Variants in CFAP65 observed in about 807,000 individuals in gnomAD.
The protein encoded by CFAP65 is cilia- and flagella-associated protein 65.
Under a neutral mutation model 208.0 loss-of-function variants are expected in CFAP65, and 155 were observed. The ratio of observed to expected loss-of-function variants is 0.75; its 90% CI spans 0.65 to 0.85. The LOEUF (loss-of-function observed/expected upper bound fraction) is 0.85, where lower values mean the gene tolerates loss of function less well. CFAP65 is among the 40% of genes least tolerant of loss of function. The probability of loss-of-function intolerance (pLI) is 0.00; values close to 1 mark genes in which losing one functional copy is unlikely to be tolerated. For missense variants in CFAP65, 2,294 were observed against 2,451.3 expected, an observed-to-expected ratio of 0.94 and a Z score of 1.36; for synonymous variants, 970 against 986.3, an observed-to-expected ratio of 0.98 and a Z score of 0.31.
At chr2:219,014,086 C>T (rs1473474722) in intron 21 of CFAP65, 42 bp from the exon 22 acceptor site, 2 of 1,545,206 alleles carry the variant, frequency 1.3e-6, no homozygotes, top group African/African-American at 2.7e-5. Flanking sequence ...ACTGGTCAGG[C>T]AGAACAGAGA....
chr2:219,029,363 G>T (rs753367127), intron 11 of CFAP65, 40 bp downstream of exon 11: 16 of 1,588,990 alleles, frequency 1.0e-5, no homozygotes, highest in Non-Finnish European at 1.4e-5. Context: ...CCCCAGGGGA[G>T]CCCCTCCTCC....
intron 24 of CFAP65, among the ~76,000 whole-genome samples, chr2:219,011,957 C>T (rs1011572914): frequency 9.9e-5 from 15 of 152,160 alleles, no homozygotes; most frequent in Admixed American, 7.2e-4. Flanking sequence ...GCCACAAGGG[C>T]GGAGCCCTCA....
At chr2:219,028,767 C>A (rs181496810) in intron 11 of CFAP65, among the ~76,000 whole-genome samples, 70 of 152,286 alleles carry the variant, frequency 4.6e-4, no homozygotes, top group Admixed American at 1.6e-3. Flanking sequence ...ATCAGGCCTC[C>A]CTCTGGGCTT....
rs553546464 is a variant in CFAP65 at position 219,021,566 on chromosome 2, G to A, written c.3130+214C>T. Among the ~76,000 whole-genome samples, 4 of 152,264 alleles carry A rather than the reference G, an allele frequency of 2.6e-5. No individual in the cohort carries two copies. The East Asian group carries it at 5.8e-4, about 22-fold the overall frequency. On this transcript the variant is annotated intron_variant, in intron 18 of 34. Coordinates refer to ENST00000341552, the MANE Select transcript of CFAP65 (RefSeq NM_194302.4). ...AGCTGAGGCTCAGAGGTGGGGTCTC[G>A]CTATGTTGCCCAGGCTAGAGGGCAG...
chr2:219,022,448 T>C (rs1475574092), intron 16 of CFAP65, 119 bp from the exon 17 acceptor site: 13 of 1,154,198 alleles, frequency 1.1e-5, no homozygotes, highest in Non-Finnish European at 1.5e-5. Context: ...GAATCTACCC[T>C]ATGCCAGGCA....
intron 4 of CFAP65, among the ~76,000 whole-genome samples, chr2:219,035,962 C>T: frequency 6.6e-6 from 1 of 152,208 alleles, no homozygotes; most frequent in East Asian, 1.9e-4. Context: ...TCTGTGCAAA[C>T]ACACAAATGC....
At chr2:219,027,382 C>T (rs1055100097) in intron 13 of CFAP65, 2 of 1,467,596 alleles carry the variant, frequency 1.4e-6, no homozygotes, top group Non-Finnish European at 1.8e-6. Context: ...CCCTGTGCAC[C>T]CAGTTTTCCC....
At chr2:219,030,949 T>C in intron 8 of CFAP65, 115 bp from the exon 9 acceptor site, 2 of 1,461,822 alleles carry the variant, frequency 1.4e-6, no homozygotes, top group East Asian at 2.4e-5. Context: ...TGTAACATCA[T>C]GGAAGACAAA....
chr2:219,022,453 C>CGTGTACAATGCCTGGCAT, intron 16 of CFAP65, 124 bp from the exon 17 acceptor site: 1 of 1,104,464 alleles, frequency 9.1e-7, no homozygotes, highest in Non-Finnish European at 1.3e-6. Context: ...TACCCTATGC[C>CGTGTACAATGCCTGGCAT]AGGCATTGTA....
At position 219,022,174 on chromosome 2, in the gene CFAP65, G is replaced by A. The variant is rs1177129845; in HGVS notation, c.2976C>T (p.Leu992=). The change falls in exon 17 of 35, where the codon CTC becomes CTT. Residue 992 remains leucine (L), a synonymous_variant. Transcript: ENST00000341552. ...CTGCCAGAGCCCTCCCACTCACAGA[G>A]AGGCTGCTGGTGAGCCCAACGCCCA... ...RLVGVGLTSS[L]SAKEKELAFG... 1 of 1,590,816 alleles carries A rather than the reference G, an allele frequency of 6.3e-7. No homozygotes were observed.
intron 24 of CFAP65, 132 bp from the exon 25 acceptor site, chr2:219,011,128 G>A (rs989532538): frequency 1.4e-5 from 10 of 732,124 alleles, no homozygotes; most frequent in African/African-American, 7.0e-5. Flanking sequence ...GTGAGCTCCC[G>A]TGTGGCTTGA....
In CFAP65 at chr2:219,023,265, T is replaced by G. The variant is rs1033011956; in HGVS notation, c.2762A>C (p.His921Pro). Residue 921 changes from histidine (H) to proline (P), a missense_variant, in exon 16 of 35, where the codon CAT (histidine) becomes CCT (proline). By Grantham distance (77) the His-to-Pro change is moderately conservative. Coordinates refer to ENST00000341552, the MANE Select transcript of CFAP65 (RefSeq NM_194302.4). ...GGGCTGGACAGCCAGCAGCTTTCGA[T>G]GCTGCTCAGAGACCCTCCACTCGAA... ...LQFEWRVSEQ[H>P]RKLLAVQPSR... 6.2e-7 allele frequency: 1 copy of G among 1,613,026 alleles called. No individual in the cohort carries two copies. Among genetic ancestry groups the G allele is most frequent in the Non-Finnish European group, 8.5e-7 (1 of 1,179,934 alleles).
rs192539296 is a variant in CFAP65 at position 219,007,469 on chromosome 2, C to T, written c.4675-960G>A. Reference sequence around the variant, plus strand: ...CACTAGGATTACAGGTGTGAGCCACCGCGCCTGGCCTTAGGAAGTAATTTG... The same window carrying T: ...CACTAGGATTACAGGTGTGAGCCACTGCGCCTGGCCTTAGGAAGTAATTTG... On this transcript the variant is annotated intron_variant, in intron 29 of 34. Transcript: ENST00000341552. 4.2e-4 allele frequency among the ~76,000 whole-genome samples: 64 copies of T among 152,236 alleles called. No homozygotes were observed. In the East Asian group the frequency reaches 9.1e-3, roughly 22 times the overall value.
intron 29 of CFAP65, among the ~76,000 whole-genome samples, chr2:219,008,262 C>T (rs1034749520): frequency 5.9e-5 from 9 of 152,242 alleles, no homozygotes; most frequent in African/African-American, 1.7e-4. Flanking sequence ...AGCTGTGCCC[C>T]ACCTCTGGAT....
At position 219,014,020 on chromosome 2, in the gene CFAP65, C is replaced by T; in HGVS notation, c.3627G>A (p.Gln1209=). 6.2e-7 allele frequency: 1 copy of T among 1,612,500 alleles called. No homozygotes were observed. The highest frequency in any genetic ancestry group is 8.5e-7 in the Non-Finnish European group (1 of 1,179,164). ...LDWAFLLPSD[Q]RIDVELWAEQ... ...CTGCCCAGAGCTCCACGTCAATCCG[C>T]TGGTCACTTGGAAGGAGGAAGGCCC... The change falls in exon 22 of 35, where the codon CAG becomes CAA. Residue 1209 remains glutamine, a synonymous_variant. Transcript: ENST00000341552.
rs1238065125 is a variant in CFAP65 at position 219,029,433 on chromosome 2, A to G, written c.1620T>C (p.Phe540=). 4.3e-6 allele frequency: 7 copies of G among 1,613,892 alleles called. No homozygotes were observed. In the Admixed American group the frequency reaches 1.2e-4, roughly 27 times the overall value. The change falls in exon 11 of 35, where the codon TTT becomes TTC. Residue 540 remains phenylalanine, a synonymous_variant. Transcript: ENST00000341552. The stretch of plus-strand genomic sequence containing the variant: ...GGTGGATGAGACAGGCCACACGCCG[A>G]AAGCAGATGATGGGGTGAGTGGGCT... ...AFQPTHPIIC[F]RRVACLIHHQ...
rs1948188857 is a variant in CFAP65, at chr2:219,033,724, A to G, written c.543-1152T>C. ...TGAAACATTGCAGTCCTTTACTCTGAGATGATAAACAAAACAAAGATGCCT... is the reference window on the plus strand; with the variant it reads ...TGAAACATTGCAGTCCTTTACTCTGGGATGATAAACAAAACAAAGATGCCT... On this transcript the variant is annotated intron_variant, in intron 5 of 34. Transcript: ENST00000341552. The G allele has an allele frequency of 2.0e-5, 3 of 152,214 alleles. No homozygotes were observed. In the South Asian group the frequency reaches 6.2e-4, roughly 31 times the overall value. The allele number at this position is 152,214 out of a possible 1,614,324, so 9.4% of individuals were successfully genotyped here.
intron 26 of CFAP65, 35 bp from the exon 27 acceptor site, chr2:219,010,120 C>T: frequency 6.4e-7 from 1 of 1,551,170 alleles, no homozygotes; most frequent in Non-Finnish European, 8.7e-7. Context: ...GAAATAAGAA[C>T]CGGCCAGGCA....
At position 219,003,155 on chromosome 2, in the gene CFAP65, C is replaced by G. The variant is rs886805557; in HGVS notation, c.5673G>C (p.Leu1891=). 1 of 1,544,324 alleles carries G rather than the reference C, an allele frequency of 6.5e-7. No homozygotes were observed. Among genetic ancestry groups the G allele is most frequent in the Non-Finnish European group, 8.7e-7 (1 of 1,143,128 alleles). The part of the protein sequence containing the change: ...VLTSRPRVIA[L]PPFCVPRSLT... Reference sequence around the variant, plus strand: ...CTTACCTGGGCACGCAGAACGGCGGCAGGGCGATGACGCGTGGCCGCGAGG... The same window carrying G: ...CTTACCTGGGCACGCAGAACGGCGGGAGGGCGATGACGCGTGGCCGCGAGG... Residue 1891 remains leucine (L), a synonymous_variant, in exon 34 of 35, where the codon CTG becomes CTC. Transcript: ENST00000341552. This position sits in a 1 kb window ranked among gnomAD's most constrained non-coding sequence, Gnocchi z 4.4.
Sources: gnomAD v4.1 joint callset for allele counts (sites outside exome capture counted in the v4.1 genomes callset) on GRCh38, gnomAD v4.1.1 for gene constraint, Gnocchi (gnomAD v3.1) non-coding constraint, MANE v1.5 for transcripts, NCBI Gene and HGNC (gene_info 2026-07-23, HGNC 2026-07-21) for gene names.